Variants in SAMHD1 observed in about 807,000 individuals in gnomAD.
SAMHD1 encodes SAM and HD domain containing deoxynucleoside triphosphate triphosphohydrolase 1, also known as deoxynucleoside triphosphate triphosphohydrolase SAMHD1.
SAMHD1 carries 54 observed loss-of-function variants against 79.6 expected under a neutral mutation model. The observed-to-expected ratio is 0.68, with a 90% confidence interval of 0.55 to 0.85. The LOEUF (loss-of-function observed/expected upper bound fraction) is 0.85, where lower values mean the gene tolerates loss of function less well. Among genes scored for constraint, SAMHD1 ranks in the 40% least tolerant of loss-of-function variants. SAMHD1 has a pLI of 0.00. For synonymous variants in SAMHD1, 260 were observed against 264.1 expected (o/e 0.98, Z 0.15); for missense variants, 663 against 782.7 (o/e 0.85, Z 1.82).
chr20:36,929,332 T>C (rs896606294), intron 5 of SAMHD1, among the ~76,000 whole-genome samples: 2 of 152,054 alleles, frequency 1.3e-5, no homozygotes, highest in Admixed American at 1.3e-4. Context: ...ATCCAAACAG[T>C]GGCATGCACC....
intron 11 of SAMHD1, 123 bp from the exon 12 acceptor site, chr20:36,905,626 T>C: frequency 3.4e-6 from 3 of 869,618 alleles, no homozygotes; most frequent in Non-Finnish European, 5.4e-6. Flanking sequence ...ATTATTATTT[T>C]AGCAATGTGA....
intron 1 of SAMHD1, 76 bp downstream of exon 1, chr20:36,951,360 G>C: frequency 6.3e-7 from 1 of 1,595,954 alleles, no homozygotes; most frequent in Non-Finnish European, 8.5e-7. Flanking sequence ...CCTCTCGTGG[G>C]GCCCCCTCCC....
chr20:36,951,683 G>C lies in SAMHD1; in HGVS notation c.-40C>G, dbSNP rs2063736365. ...TCCGGCACAGCAGTCAAGAACCTCG[G>C]CGCCGGACCCGCGCGCAGGCGCACT... On this transcript the variant is annotated 5_prime_UTR_variant, in exon 1 of 16. Transcript: ENST00000646673. 3 of 1,610,274 alleles carry C rather than the reference G, an allele frequency of 1.9e-6. No homozygotes were observed. The highest frequency in any genetic ancestry group is 1.3e-5 in the African/African-American group (1 of 75,018).
chr20:36,944,489 T>G (rs1319369760), intron 2 of SAMHD1, among the ~76,000 whole-genome samples: 1 of 152,224 alleles, frequency 6.6e-6, no homozygotes, highest in Non-Finnish European at 1.5e-5. Context: ...ATCCTTTGTT[T>G]TGATTCTTTG....
intron 9 of SAMHD1, among the ~76,000 whole-genome samples, chr20:36,914,298 T>A (rs995672978): frequency 7.9e-5 from 12 of 152,098 alleles, no homozygotes; most frequent in African/African-American, 2.9e-4. Flanking sequence ...TTTATGATGA[T>A]CTACTTCCAC....
intron 3 of SAMHD1, among the ~76,000 whole-genome samples, chr20:36,938,911 A>C (rs1454483590): frequency 6.6e-6 from 1 of 151,518 alleles, no homozygotes; most frequent in Non-Finnish European, 1.5e-5. Context: ...ATGTTCATTA[A>C]ATTTTTTCAG....
At chr20:36,948,853 G>A (rs552970082) in intron 1 of SAMHD1, among the ~76,000 whole-genome samples, 21 of 141,838 alleles carry the variant, frequency 1.5e-4, no homozygotes, top group Admixed American at 3.6e-4. Context: ...GCGACAGAGC[G>A]AGACTCTGTC....
intron 12 of SAMHD1, 34 bp from the exon 13 acceptor site, chr20:36,904,283 AT>A: frequency 7.0e-7 from 1 of 1,423,570 alleles, no homozygotes; most frequent in Non-Finnish European, 9.9e-7. Context: ...GTTAGAATCC[AT>A]TTTTCATCAA....
intron 4 of SAMHD1, among the ~76,000 whole-genome samples, chr20:36,933,246 G>A (rs977103035): frequency 4.0e-5 from 6 of 151,882 alleles, no homozygotes; most frequent in African/African-American, 1.5e-4. Flanking sequence ...ATTCTTCCCT[G>A]TCCACTTCCT....
chr20:36,910,551 A>G (rs1332798973), intron 11 of SAMHD1, among the ~76,000 whole-genome samples: 3 of 151,772 alleles, frequency 2.0e-5, no homozygotes, highest in African/African-American at 7.3e-5. Flanking sequence ...CCAATATGGT[A>G]AAACCCTGTC....
At chr20:36,938,496 C>T (rs921323073) in intron 3 of SAMHD1, among the ~76,000 whole-genome samples, 15 of 151,424 alleles carry the variant, frequency 9.9e-5, no homozygotes, top group East Asian at 1.9e-4. Flanking sequence ...GCTGAGATCA[C>T]GCCACTGCAC....
In SAMHD1 at chr20:36,924,870, A is replaced by C. The variant is rs370491737; in HGVS notation, c.696+2312T>G. ...ATAGGATGAACTATTAAAAAATTAG[A>C]TTTCTCGGCCGGGCACGGTGGCTCA... On this transcript the variant is annotated intron_variant, in intron 6 of 15. Coordinates refer to ENST00000646673, the MANE Select transcript of SAMHD1 (RefSeq NM_015474.4). Among the ~76,000 whole-genome samples, 47 of 152,100 alleles carry C rather than the reference A, an allele frequency of 3.1e-4. No homozygotes were observed. The East Asian group carries it at 3.5e-3, about 11-fold the overall frequency.
At chr20:36,910,155 A>G (rs6016724) in intron 11 of SAMHD1, among the ~76,000 whole-genome samples, 66,106 of 150,240 alleles carry the variant, frequency 0.44, 16,519 homozygotes, top group African/African-American at 0.68. Flanking sequence ...CCCGGGAGGC[A>G]GAGCTTGTAG....
Position 36,891,120 on chromosome 20 carries a change from T to C in SAMHD1, c.*1812A>G, listed in dbSNP as rs1462957644. On this transcript the variant is annotated 3_prime_UTR_variant, in exon 16 of 16. Transcript: ENST00000646673. ...CCTCACTTGTGCGTTGCTGAGCCCATATGTGAACAAATCCCCTTGATACAG... is the reference window on the plus strand; with the variant it reads ...CCTCACTTGTGCGTTGCTGAGCCCACATGTGAACAAATCCCCTTGATACAG... 6.6e-6 allele frequency: 1 copy of C among 152,220 alleles called. No individual in the cohort carries two copies. The highest frequency in any genetic ancestry group is 2.4e-5 in the African/African-American group (1 of 41,442). The allele number at this position is 152,220 out of a possible 1,614,324, so 9.4% of individuals were successfully genotyped here. A position where few individuals can be genotyped will look rare whatever the true frequency, so the allele number is the denominator to read the frequency against.
intron 6 of SAMHD1, among the ~76,000 whole-genome samples, chr20:36,926,453 A>T (rs1285201027): frequency 2.0e-5 from 3 of 152,168 alleles, no homozygotes; most frequent in African/African-American, 7.2e-5. Flanking sequence ...GAAAAAGCAC[A>T]TGGGAATTTT....
chr20:36,896,233 A>G (rs1421847863), intron 15 of SAMHD1, among the ~76,000 whole-genome samples: 1 of 151,566 alleles, frequency 6.6e-6, no homozygotes, highest in Admixed American at 6.6e-5. Context: ...CGGCCTCCCA[A>G]AAGTGCTGGG....
At chr20:36,919,019 C>G (rs2063491068) in intron 7 of SAMHD1, among the ~76,000 whole-genome samples, 1 of 151,568 alleles carries the variant, frequency 6.6e-6, no homozygotes, top group Non-Finnish European at 1.5e-5. Flanking sequence ...GTTTGTGGTC[C>G]CAGCTACTCA....
intron 2 of SAMHD1, among the ~76,000 whole-genome samples, chr20:36,942,042 T>C (rs2063647928): frequency 6.6e-6 from 1 of 152,156 alleles, no homozygotes; most frequent in Non-Finnish European, 1.5e-5. Flanking sequence ...ACCGGAGTCA[T>C]AGCATAAAAT....
Position 36,890,978 on chromosome 20 carries a change from A to T in SAMHD1, c.*1954T>A, listed in dbSNP as rs1326032594. The T allele has an allele frequency of 6.6e-6, 1 of 152,190 alleles. No homozygotes were observed. Among genetic ancestry groups the T allele is most frequent in the Admixed American group, 6.6e-5 (1 of 15,260 alleles). The allele number at this position is 152,190 out of a possible 1,614,324, so 9.4% of individuals were successfully genotyped here. Reference sequence around the variant, plus strand: ...ATGATTTAAAGGTAAGATACACAGAAATAAAATGATTTTAACAGAAAAATA... The same window carrying T: ...ATGATTTAAAGGTAAGATACACAGATATAAAATGATTTTAACAGAAAAATA... On this transcript the variant is annotated 3_prime_UTR_variant, in exon 16 of 16. Coordinates refer to ENST00000646673, the MANE Select transcript of SAMHD1 (RefSeq NM_015474.4).
Sources: allele counts gnomAD v4.1 joint callset (sites outside exome capture counted in the v4.1 genomes callset), GRCh38; gene constraint gnomAD v4.1.1; transcripts MANE v1.5; gene names NCBI Gene and HGNC (gene_info 2026-07-23, HGNC 2026-07-21).